The following TSHZ2 variants were observed in gnomAD, a reference collection of about 807,000 sequenced individuals.
The protein encoded by TSHZ2 is teashirt homolog 2.
TSHZ2 carries 21 observed loss-of-function variants against 74.4 expected under a neutral mutation model. The ratio of observed to expected loss-of-function variants is 0.28; its 90% confidence interval spans 0.20 to 0.41. The LOEUF (loss-of-function observed/expected upper bound fraction) is 0.41, where lower values mean the gene tolerates loss of function less well. TSHZ2 is among the 10% of genes least tolerant of loss of function. The probability of loss-of-function intolerance (pLI) is 1.00; values close to 1 mark genes in which losing one functional copy is unlikely to be tolerated. For synonymous variants in TSHZ2, 540 were observed against 515.3 expected, an observed-to-expected ratio of 1.05 and a Z score of -0.65; for missense variants, 1,244 against 1,293.5, an observed-to-expected ratio of 0.96 and a Z score of 0.59.
chr20:53,493,329 C>T lies in TSHZ2; in HGVS notation c.*6194C>T, dbSNP rs771785287. The T allele has an allele frequency of 2.0e-5, 3 of 152,156 alleles. No homozygotes were observed. The highest frequency in any genetic ancestry group is 4.4e-5 in the Non-Finnish European group (3 of 68,034). The allele number at this position is 152,156 out of a possible 1,614,324, so 9.4% of individuals were successfully genotyped here. On this transcript the variant is annotated 3_prime_UTR_variant, in exon 3 of 3. Coordinates refer to ENST00000371497, the MANE Select transcript of TSHZ2 (RefSeq NM_173485.6). Reference sequence around the variant, plus strand: ...CCAAGTTTGTCTGTCTGCATGAGTCCCGTCCAATTGCTGGATCTAGGGAGG... The same window carrying T: ...CCAAGTTTGTCTGTCTGCATGAGTCTCGTCCAATTGCTGGATCTAGGGAGG...
At chr20:53,146,527 A>G (rs933158573) in intron 1 of TSHZ2, among the ~76,000 whole-genome samples, 2 of 152,146 alleles carry the variant, frequency 1.3e-5, no homozygotes, top group Admixed American at 1.3e-4. Context: ...GTGGCTCAGG[A>G]TTGTCTTTTG....
chr20:53,423,121 G>T (rs183494504), intron 2 of TSHZ2, among the ~76,000 whole-genome samples: 6 of 152,298 alleles, frequency 3.9e-5, no homozygotes, highest in African/African-American at 1.4e-4. Flanking sequence ...TATTTGGGTT[G>T]GGCGCCGTGG....
chr20:52,984,644 G>A (rs945850030), intron 1 of TSHZ2, among the ~76,000 whole-genome samples: 1 of 152,122 alleles, frequency 6.6e-6, no homozygotes, highest in Non-Finnish European at 1.5e-5. Flanking sequence ...TGCCTCGGAG[G>A]GTGCAGGAGC....
chr20:53,156,505 C>G (rs1303122218), intron 1 of TSHZ2, among the ~76,000 whole-genome samples: 2 of 152,136 alleles, frequency 1.3e-5, no homozygotes, highest in Non-Finnish European at 2.9e-5. Context: ...TCATAATGAC[C>G]TTGTGAAACA....
At chr20:53,242,884 G>A (rs1448041493) in intron 1 of TSHZ2, among the ~76,000 whole-genome samples, 1 of 152,142 alleles carries the variant, frequency 6.6e-6, no homozygotes, top group African/African-American at 2.4e-5. Context: ...GGTGGGCTGG[G>A]TATAGCAATG....
At chr20:53,273,628 G>A (rs1213836342) in intron 2 of TSHZ2, among the ~76,000 whole-genome samples, 1 of 152,164 alleles carries the variant, frequency 6.6e-6, no homozygotes, top group African/African-American at 2.4e-5. Flanking sequence ...TACTGGGTGT[G>A]GAATGGACAA....
At chr20:53,481,875 G>A (rs922717663) in intron 2 of TSHZ2, among the ~76,000 whole-genome samples, 2 of 152,078 alleles carry the variant, frequency 1.3e-5, no homozygotes, top group African/African-American at 4.8e-5. Flanking sequence ...AGGCCGAGGT[G>A]GGTGGATCTC....
At chr20:53,021,466 G>A (rs184268032) in intron 1 of TSHZ2, among the ~76,000 whole-genome samples, 2 of 152,298 alleles carry the variant, frequency 1.3e-5, no homozygotes, top group East Asian at 3.9e-4. Flanking sequence ...GAATCAAATT[G>A]GGTTTGCCTT....
intron 1 of TSHZ2, among the ~76,000 whole-genome samples, chr20:53,093,720 C>T (rs1985955804): frequency 6.6e-6 from 1 of 152,222 alleles, no homozygotes; most frequent in African/African-American, 2.4e-5. Context: ...TCATCAAGAA[C>T]CGTGCCTGTC....
intron 1 of TSHZ2, among the ~76,000 whole-genome samples, chr20:52,993,856 C>T (rs1398344132): frequency 6.6e-6 from 1 of 152,172 alleles, no homozygotes; most frequent in Non-Finnish European, 1.5e-5. Flanking sequence ...ATGCGAGAAA[C>T]ACATAACAAA....
intron 2 of TSHZ2, among the ~76,000 whole-genome samples, chr20:53,410,524 C>T (rs1983014716): frequency 6.6e-6 from 1 of 151,818 alleles, no homozygotes; most frequent in Admixed American, 6.6e-5. Flanking sequence ...AAACACATAA[C>T]TCTCTGGGCT....
At chr20:53,149,484 G>A (rs1222811246) in intron 1 of TSHZ2, among the ~76,000 whole-genome samples, 1 of 152,158 alleles carries the variant, frequency 6.6e-6, no homozygotes, top group Non-Finnish European at 1.5e-5. Flanking sequence ...AAGAGAGGAG[G>A]AGTTTCTGCC....
intron 2 of TSHZ2, among the ~76,000 whole-genome samples, chr20:53,337,643 A>C (rs1015421377): frequency 1.3e-5 from 2 of 152,234 alleles, no homozygotes; most frequent in Non-Finnish European, 2.9e-5. Flanking sequence ...AAGAGGCTGA[A>C]CAACCACGTG....
chr20:53,204,932 A>G (rs1989127813), intron 1 of TSHZ2, among the ~76,000 whole-genome samples: 1 of 151,856 alleles, frequency 6.6e-6, no homozygotes, highest in Non-Finnish European at 1.5e-5. Flanking sequence ...ATACAAAAAA[A>G]GAAAAAAAAA....
intron 2 of TSHZ2, among the ~76,000 whole-genome samples, chr20:53,409,048 C>T (rs1982948654): frequency 6.6e-6 from 1 of 152,158 alleles, no homozygotes; most frequent in African/African-American, 2.4e-5. Context: ...ATCATCTGTA[C>T]ACTTACAACA....
chr20:53,198,638 T>G, intron 1 of TSHZ2, among the ~76,000 whole-genome samples: 1 of 152,190 alleles, frequency 6.6e-6, no homozygotes, highest in East Asian at 1.9e-4. Context: ...ATTTCAAAAC[T>G]GCAAAGCATA....
intron 1 of TSHZ2, among the ~76,000 whole-genome samples, chr20:53,117,838 A>C (rs1422146445): frequency 6.6e-6 from 1 of 152,178 alleles, no homozygotes; most frequent in Non-Finnish European, 1.5e-5. Flanking sequence ...GCAGTGGACA[A>C]ATTCAGTATG....
intron 1 of TSHZ2, among the ~76,000 whole-genome samples, chr20:53,151,706 A>C (rs1305083367): frequency 6.6e-6 from 1 of 152,192 alleles, no homozygotes; most frequent in Non-Finnish European, 1.5e-5. Context: ...GGATTTTGGG[A>C]ATCAAAGATA....
At chr20:53,412,957 C>G (rs1331588958) in intron 2 of TSHZ2, 1 of 152,256 alleles carries the variant, frequency 6.6e-6, no homozygotes. Context: ...ATCTTCTTAA[C>G]CCACCCCCGG....
Sources: gnomAD v4.1 joint callset for allele counts (sites outside exome capture counted in the v4.1 genomes callset) on GRCh38, gnomAD v4.1.1 for gene constraint, MANE v1.5 for transcripts, NCBI Gene and HGNC (gene_info 2026-07-23, HGNC 2026-07-21) for gene names.